MAPKBP1: variants seen among roughly 807,000 people sequenced by gnomAD.
MAPKBP1 encodes mitogen-activated protein kinase-binding protein 1.
MAPKBP1 carries 71 observed loss-of-function variants against 170.5 expected under a neutral mutation model. The ratio of observed to expected loss-of-function variants is 0.42; its 90% CI spans 0.34 to 0.51. The LOEUF is 0.51. MAPKBP1 is among the 20% of genes least tolerant of loss of function. The pLI is 0.06. For synonymous variants in MAPKBP1, 719 were observed against 757.9 expected, an observed-to-expected ratio of 0.95 and a Z score of 0.84; for missense variants, 1,598 against 1,933.0, an observed-to-expected ratio of 0.83 and a Z score of 3.25.
intron 2 of MAPKBP1, among the ~76,000 whole-genome samples, chr15:41,798,706 C>T (rs1163738439): frequency 6.6e-6 from 1 of 152,172 alleles, no homozygotes; most frequent in Non-Finnish European, 1.5e-5. Flanking sequence ...AATAGACCGC[C>T]CTGCCACAAG....
In MAPKBP1 at chr15:41,824,508, G is replaced by A. The variant is rs1260080039; in HGVS notation, c.4238G>A (p.Cys1413Tyr). The A allele has an allele frequency of 1.9e-6, 3 of 1,601,540 alleles. No individual in the cohort carries two copies. In the African/African-American group the frequency reaches 4.0e-5, roughly 21 times the overall value. The change falls in exon 30 of 31, where the codon TGT (cysteine) becomes TAT (tyrosine). Residue 1413 changes from cysteine to tyrosine, a missense_variant. Cys to Tyr is a radical substitution (Grantham distance 194, BLOSUM62 -2). Transcript: ENST00000457542. Reference sequence around the variant, plus strand: ...GAGCCAGCGGTGAGCCTGGAGCAGTGTGAGCAGCTGGTGGCAGAGCTCCGC... The same window carrying A: ...GAGCCAGCGGTGAGCCTGGAGCAGTATGAGCAGCTGGTGGCAGAGCTCCGC... The part of the protein sequence containing the change: ...DSEPAVSLEQ[C>Y]EQLVAELRGS...
chr15:41,818,844 G>A lies in MAPKBP1; in HGVS notation c.2178G>A (p.Leu726=). 1 of 1,614,190 alleles carries A rather than the reference G, an allele frequency of 6.2e-7. No homozygotes were observed. Among genetic ancestry groups the A allele is most frequent in the Non-Finnish European group, 8.5e-7 (1 of 1,180,012 alleles). Reference sequence around the variant, plus strand: ...CCAGCTGCATATTTGTGTGGCGCCTGAGCTCTGAGATGACCATCAGCATGA... The same window carrying A: ...CCAGCTGCATATTTGTGTGGCGCCTAAGCTCTGAGATGACCATCAGCATGA... ...SGDSCIFVWR[L]SSEMTISMRQ... Residue 726 remains leucine (L), a synonymous_variant, in exon 20 of 31, where the codon CTG becomes CTA. Transcript: ENST00000457542. This position sits in a 1 kb window ranked among gnomAD's most constrained non-coding sequence, Gnocchi z 5.2.
intron 3 of MAPKBP1, among the ~76,000 whole-genome samples, chr15:41,809,892 T>C (rs1340245331): frequency 6.6e-6 from 1 of 152,204 alleles, no homozygotes; most frequent in Non-Finnish European, 1.5e-5. Context: ...GGGGGGTTCT[T>C]CTCAGGTTTC....
chr15:41,822,351 G>GC lies in MAPKBP1; in HGVS notation c.3163dup (p.Gln1055ProfsTer14). On this transcript the variant is annotated frameshift_variant, in exon 26 of 31. Coordinates refer to ENST00000457542, the MANE Select transcript of MAPKBP1 (RefSeq NM_014994.3). LOFTEE classifies it high-confidence loss of function. ...GGCCCCTATGGGCTACAGGAGGGCA[G>GC]CCCCCAGACTCCAGACCAGGAGCAG... The GC allele has an allele frequency of 6.2e-7, 1 of 1,614,052 alleles. No individual in the cohort carries two copies. The highest frequency in any genetic ancestry group is 8.5e-7 in the Non-Finnish European group (1 of 1,179,998).
Position 41,817,142 on chromosome 15 carries a change from C to T in MAPKBP1, c.1711+107C>T. Reference sequence around the variant, plus strand: ...CCCATTGTGGGGGAGTGTTGGACAGCAGCTGGGAGGCCTGGAGCTGGTTGG... The same window carrying T: ...CCCATTGTGGGGGAGTGTTGGACAGTAGCTGGGAGGCCTGGAGCTGGTTGG... On this transcript the variant is annotated intron_variant, in intron 14 of 30. Transcript: ENST00000457542. This position sits in a 1 kb window ranked among gnomAD's most constrained non-coding sequence, Gnocchi z 4.2. The T allele has an allele frequency of 2.0e-6, 3 of 1,491,504 alleles. No individual in the cohort carries two copies. Among genetic ancestry groups the T allele is most frequent in the South Asian group, 2.7e-5 (2 of 74,794 alleles). The allele number at this position is 1,491,504 out of a possible 1,614,324, so 92.4% of individuals were successfully genotyped here. A position where few individuals can be genotyped will look rare whatever the true frequency, so the allele number is the denominator to read the frequency against.
At chr15:41,808,537 A>G (rs1042105204) in intron 3 of MAPKBP1, among the ~76,000 whole-genome samples, 9 of 147,190 alleles carry the variant, frequency 6.1e-5, no homozygotes, top group Middle Eastern at 3.4e-3. Flanking sequence ...CTGCAATGGC[A>G]TGATCTCAAC....
At position 41,818,110 on chromosome 15, in the gene MAPKBP1, C is replaced by T; in HGVS notation, c.1980+26C>T. 6.2e-7 allele frequency: 1 copy of T among 1,613,036 alleles called. No individual in the cohort carries two copies. Among genetic ancestry groups the T allele is most frequent in the South Asian group, 1.1e-5 (1 of 91,056 alleles). ...GTAAGGACCCAGAGGGGGTACTGGA[C>T]AGGGGCTCGGGGACAGAGTGGTGCT... is the stretch of plus-strand genomic sequence containing the variant. On this transcript the variant is annotated intron_variant, in intron 17 of 30. Transcript: ENST00000457542. The surrounding 1 kb of genome is among the most constrained non-coding windows in gnomAD (Gnocchi z 5.2).
chr15:41,780,071 G>A (rs1410194957), intron 2 of MAPKBP1, among the ~76,000 whole-genome samples: 2 of 152,136 alleles, frequency 1.3e-5, no homozygotes, highest in Non-Finnish European at 2.9e-5. Flanking sequence ...AAATAGCCCA[G>A]CCTCTTCAGG....
intron 2 of MAPKBP1, among the ~76,000 whole-genome samples, chr15:41,787,078 C>A (rs904338292): frequency 2.7e-5 from 4 of 150,922 alleles, no homozygotes; most frequent in Non-Finnish European, 5.9e-5. Flanking sequence ...TCTGCCTAGG[C>A]CTCTCAAAGT....
intron 2 of MAPKBP1, among the ~76,000 whole-genome samples, chr15:41,790,800 A>G (rs2064382952): frequency 6.6e-6 from 1 of 152,120 alleles, no homozygotes; most frequent in Non-Finnish European, 1.5e-5. Context: ...CCTACCTCTG[A>G]CCAGATGGCA....
chr15:41,819,547 C>CCGGG lies in MAPKBP1; in HGVS notation c.2426-48_2426-47insCGGG, dbSNP rs765528665. ...GGGCCAGGGCTCCAGGGTTGGGTGG[C>CCGGG]GGGGGGGGGGCAGGAGACACTTCCT... On this transcript the variant is annotated intron_variant, in intron 21 of 30. Coordinates refer to ENST00000457542, the MANE Select transcript of MAPKBP1 (RefSeq NM_014994.3). 7.1e-5 allele frequency: 88 copies of CCGGG among 1,235,846 alleles called. No homozygotes were observed. The South Asian group carries it at 1.2e-3, about 17-fold the overall frequency. The allele number at this position is 1,235,846 out of a possible 1,614,324, so 76.6% of individuals were successfully genotyped here.
chr15:41,821,246 A>G (rs2064991182), intron 23 of MAPKBP1, 178 bp downstream of exon 23: 1 of 672,400 alleles, frequency 1.5e-6, no homozygotes, highest in Admixed American at 2.8e-5. Flanking sequence ...GGTCATCAGG[A>G]TAGGCAGGGG....
chr15:41,821,118 C>A (rs772872278), intron 23 of MAPKBP1, 50 bp downstream of exon 23: 2 of 1,556,574 alleles, frequency 1.3e-6, no homozygotes, highest in Non-Finnish European at 1.8e-6. Context: ...GGGCCTTAGG[C>A]AGCCTTTGCC....
rs2064858223 is a variant in MAPKBP1, at chr15:41,814,564, G to A, written c.995G>A (p.Gly332Glu). 1.9e-6 allele frequency: 3 copies of A among 1,614,100 alleles called. No individual in the cohort carries two copies. The highest frequency in any genetic ancestry group is 2.5e-6 in the Non-Finnish European group (3 of 1,179,976). ...SVTEASRLFSGVANARYPDTI... is the reference protein window; with the variant it reads ...SVTEASRLFSEVANARYPDTI... ...TCTCCCTACAGTCGCCTCTTCTCTGGAGTGGCGAATGCCAGGTATCCAGAC... is the reference window on the plus strand; with the variant it reads ...TCTCCCTACAGTCGCCTCTTCTCTGAAGTGGCGAATGCCAGGTATCCAGAC... Residue 332 changes from glycine to glutamate, a missense_variant, in exon 10 of 31, where the codon GGA (glycine) becomes GAA (glutamate). Physicochemically the swap from Gly to Glu is moderately conservative, Grantham distance 98. This residue lies in a region of MAPKBP1 where 430 missense variants were observed against 617.2 expected (regional missense o/e 0.70). Transcript: ENST00000457542.
rs181380130 is a variant in MAPKBP1 at position 41,786,490 on chromosome 15, C to T, written c.114+11101C>T. On this transcript the variant is annotated intron_variant, in intron 2 of 30. Transcript: ENST00000457542. ...GAAAAATATATCTGGTATAGCCGGG[C>T]GTGGTGGCTCACACCTGTAATCCCA... Among the ~76,000 whole-genome samples the T allele has an allele frequency of 2.2e-3, 334 of 151,788 alleles. 1 individual carries two copies. Among genetic ancestry groups the T allele is most frequent in the African/African-American group, 5.3e-3 (220 of 41,352 alleles).
intron 3 of MAPKBP1, among the ~76,000 whole-genome samples, chr15:41,802,005 G>T (rs2064603283): frequency 6.6e-6 from 1 of 152,082 alleles, no homozygotes; most frequent in Non-Finnish European, 1.5e-5. Flanking sequence ...ACCCTAGATG[G>T]TATAGCCTAC....
intron 2 of MAPKBP1, among the ~76,000 whole-genome samples, chr15:41,783,604 C>A (rs147443029): frequency 6.6e-6 from 1 of 152,298 alleles, no homozygotes; most frequent in African/African-American, 2.4e-5. Flanking sequence ...GGTCTAAAGG[C>A]CTCTGCTTCC....
intron 3 of MAPKBP1, among the ~76,000 whole-genome samples, chr15:41,804,579 G>A (rs1299555252): frequency 2.0e-5 from 3 of 152,236 alleles, no homozygotes; most frequent in African/African-American, 7.2e-5. Context: ...GCCCTGGAGA[G>A]TGTGGAGTCC....
At position 41,815,155 on chromosome 15, in the gene MAPKBP1, C is replaced by T. The variant is rs572495495; in HGVS notation, c.1171-104C>T. The T allele has an allele frequency of 6.3e-3, 8,937 of 1,411,808 alleles. 32 individuals carry two copies. The highest frequency in any genetic ancestry group is 7.5e-3 in the Non-Finnish European group (7,661 of 1,018,502). 87.5% of individuals were successfully genotyped at this position (1,411,808 alleles called of 1,614,324 possible). A position where few individuals can be genotyped will look rare whatever the true frequency, so the allele number is the denominator to read the frequency against. On this transcript the variant is annotated intron_variant, in intron 10 of 30. Transcript: ENST00000457542. ...GCCTGTGACAGGCACTGGGCTAAGTCCTGGCCACCATTCCCTTTTTCGTCC... is the reference window on the plus strand; with the variant it reads ...GCCTGTGACAGGCACTGGGCTAAGTTCTGGCCACCATTCCCTTTTTCGTCC...
Sources: gnomAD v4.1 joint callset for allele counts (sites outside exome capture counted in the v4.1 genomes callset) on GRCh38, gnomAD v4.1.1 for gene constraint, gnomAD v4.1.1 regional missense constraint, Gnocchi (gnomAD v3.1) non-coding constraint, MANE v1.5 for transcripts, NCBI Gene and HGNC (gene_info 2026-07-23, HGNC 2026-07-21) for gene names.